Variants in EYS observed in about 807,000 individuals in gnomAD.
The protein encoded by EYS is protein eyes shut homolog.
Under a neutral mutation model 282.1 loss-of-function variants are expected in EYS, and 250 were observed. That is an observed-to-expected ratio of 0.89 (90% CI 0.80 to 0.98). The LOEUF is 0.98. EYS is among the 50% of genes least tolerant of loss of function. The pLI is 0.00. For synonymous variants in EYS, 1,355 were observed against 1,282.9 expected (o/e 1.06, Z -1.20); for missense variants, 4,016 against 3,709.0 (o/e 1.08, Z -2.15).
intron 35 of EYS, among the ~76,000 whole-genome samples, chr6:63,958,349 T>A (rs1267817852): frequency 1.4e-5 from 2 of 140,934 alleles, no homozygotes; most frequent in African/African-American, 4.9e-5. Context: ...AGGAAGAAAA[T>A]CTGGCAATGG....
At chr6:65,292,790 T>C (rs1040297816) in intron 12 of EYS, among the ~76,000 whole-genome samples, 5 of 151,688 alleles carry the variant, frequency 3.3e-5, no homozygotes, top group African/African-American at 9.7e-5. Context: ...GAAAGGGGCC[T>C]ATGGAAAAGA....
At chr6:65,279,066 T>C (rs1474079955) in intron 12 of EYS, among the ~76,000 whole-genome samples, 1 of 152,074 alleles carries the variant, frequency 6.6e-6, no homozygotes, top group Non-Finnish European at 1.5e-5. Context: ...TGGCATCCTG[T>C]AGTCCTAGCT....
At position 64,514,477 on chromosome 6, in the gene EYS, T is replaced by C. The variant is rs538890295; in HGVS notation, c.5645-75125A>G. ...CCATGGCCTTGTGACCTAAGCATGGTCATTTGAATAATCCAGCAGAAGACT... is the reference window on the plus strand; with the variant it reads ...CCATGGCCTTGTGACCTAAGCATGGCCATTTGAATAATCCAGCAGAAGACT... On this transcript the variant is annotated intron_variant, in intron 26 of 42. Transcript: ENST00000503581. Among the ~76,000 whole-genome samples, 4 of 151,948 alleles carry C rather than the reference T, an allele frequency of 2.6e-5. No individual in the cohort carries two copies. The South Asian group carries it at 6.2e-4, about 24-fold the overall frequency.
chr6:65,354,308 TC>T (rs1228967872), intron 8 of EYS, among the ~76,000 whole-genome samples: 2 of 152,064 alleles, frequency 1.3e-5, no homozygotes, highest in East Asian at 3.9e-4. Context: ...TTTCTACTTC[TC>T]CACGTTTTTT....
At chr6:64,532,691 G>A (rs962051347) in intron 26 of EYS, among the ~76,000 whole-genome samples, 2 of 152,110 alleles carry the variant, frequency 1.3e-5, no homozygotes, top group East Asian at 1.9e-4. Context: ...CCTGGGTGAC[G>A]GAGTGAGACT....
intron 31 of EYS, among the ~76,000 whole-genome samples, chr6:64,170,008 C>T (rs1019682324): frequency 2.0e-5 from 3 of 152,034 alleles, no homozygotes; most frequent in Non-Finnish European, 2.9e-5. Context: ...TACTATACAC[C>T]TTATATTTGG....
chr6:64,698,532 A>G (rs1256832442), intron 22 of EYS, among the ~76,000 whole-genome samples: 2 of 152,148 alleles, frequency 1.3e-5, no homozygotes, highest in East Asian at 1.9e-4. Flanking sequence ...GAAATTATAA[A>G]TGGAGTAAAT....
intron 26 of EYS, among the ~76,000 whole-genome samples, chr6:64,446,266 C>T (rs751610632): frequency 7.2e-5 from 11 of 152,162 alleles, no homozygotes; most frequent in East Asian, 1.9e-4. Context: ...ATGAGAATAA[C>T]GAAAACTTAA....
At chr6:65,482,646 C>T (rs1222423018) in intron 5 of EYS, among the ~76,000 whole-genome samples, 1 of 152,194 alleles carries the variant, frequency 6.6e-6, no homozygotes, top group Non-Finnish European at 1.5e-5. Context: ...GGAAAATATT[C>T]TGTCTACCCT....
At chr6:64,213,785 A>G (rs1289964972) in intron 31 of EYS, among the ~76,000 whole-genome samples, 1 of 152,172 alleles carries the variant, frequency 6.6e-6, no homozygotes. Flanking sequence ...TGTGGATTAC[A>G]CCTTTTTTAT....
chr6:65,389,093 A>G (rs906861414), intron 7 of EYS, among the ~76,000 whole-genome samples: 1 of 152,128 alleles, frequency 6.6e-6, no homozygotes, highest in African/African-American at 2.4e-5. Context: ...GTCTCTTTGC[A>G]TGTGCCCTTG....
chr6:64,280,040 C>T (rs1344416588), intron 30 of EYS, among the ~76,000 whole-genome samples: 1 of 152,112 alleles, frequency 6.6e-6, no homozygotes, highest in Non-Finnish European at 1.5e-5. Context: ...TCAATTGTTG[C>T]CCATTATGTC....
intron 22 of EYS, among the ~76,000 whole-genome samples, chr6:64,738,207 G>A (rs1471903450): frequency 6.6e-6 from 1 of 152,168 alleles, no homozygotes; most frequent in East Asian, 1.9e-4. Context: ...GTTGGGTCAT[G>A]AAAGGGCTGG....
At chr6:63,942,066 A>C (rs904529161) in intron 35 of EYS, among the ~76,000 whole-genome samples, 1 of 152,176 alleles carries the variant, frequency 6.6e-6, no homozygotes, top group Non-Finnish European at 1.5e-5. Flanking sequence ...AGTTTTTAGG[A>C]AAACATGATG....
intron 31 of EYS, among the ~76,000 whole-genome samples, chr6:64,172,437 T>C (rs910404447): frequency 6.6e-6 from 1 of 152,194 alleles, no homozygotes; most frequent in Non-Finnish European, 1.5e-5. Context: ...AGTTTGACAA[T>C]TTTAGTTACC....
chr6:64,904,944 C>T (rs1767778413), intron 16 of EYS, among the ~76,000 whole-genome samples: 1 of 152,150 alleles, frequency 6.6e-6, no homozygotes, highest in South Asian at 2.1e-4. Context: ...GAAAACATAA[C>T]ATGTGGATTG....
intron 31 of EYS, among the ~76,000 whole-genome samples, chr6:64,082,724 T>C (rs1772014720): frequency 1.3e-5 from 2 of 152,122 alleles, no homozygotes; most frequent in African/African-American, 2.4e-5. Flanking sequence ...TTTAGACTTA[T>C]AGAATTATTT....
intron 12 of EYS, among the ~76,000 whole-genome samples, chr6:65,211,107 A>T (rs1219456473): frequency 6.6e-6 from 1 of 152,032 alleles, no homozygotes; most frequent in Admixed American, 6.6e-5. Context: ...TAAATCCTGA[A>T]TTAACCAAAT....
At chr6:65,629,678 C>G (rs570714820) in intron 2 of EYS, among the ~76,000 whole-genome samples, 1 of 152,096 alleles carries the variant, frequency 6.6e-6, no homozygotes, top group African/African-American at 2.4e-5. Context: ...TCAAACTCCT[C>G]GAGAAGACGG....
Sources: allele counts gnomAD v4.1 joint callset (sites outside exome capture counted in the v4.1 genomes callset), GRCh38; gene constraint gnomAD v4.1.1; transcripts MANE v1.5; gene names NCBI Gene and HGNC (gene_info 2026-07-23, HGNC 2026-07-21).